The following PRKAR1B variants were observed in gnomAD, a reference collection of about 807,000 sequenced individuals.
PRKAR1B encodes cAMP-dependent protein kinase type I-beta regulatory subunit.
A neutral mutation model predicts 46.5 loss-of-function variants in PRKAR1B; 22 were observed. The ratio of observed to expected loss-of-function variants is 0.47; its 90% confidence interval spans 0.34 to 0.68. PRKAR1B has a LOEUF of 0.68. PRKAR1B is among the 30% of genes least tolerant of loss of function. The pLI is 0.01. For missense variants in PRKAR1B, 445 were observed against 535.6 expected (o/e 0.83, Z 1.67); for synonymous variants, 259 against 217.7 (o/e 1.19, Z -1.67).
chr7:553,117 G>A (rs993116215), intron 9 of PRKAR1B, among the ~76,000 whole-genome samples: 14 of 152,306 alleles, frequency 9.2e-5, no homozygotes, highest in Middle Eastern at 3.4e-3. Context: ...AGCGTGGGCT[G>A]TGTGGCCAGA....
intron 4 of PRKAR1B, among the ~76,000 whole-genome samples, chr7:625,900 G>C (rs1325037930): frequency 2.0e-5 from 3 of 151,472 alleles, no homozygotes; most frequent in African/African-American, 7.3e-5. Flanking sequence ...CCCAGCTACT[G>C]GGGAGGCTGA....
intron 7 of PRKAR1B, among the ~76,000 whole-genome samples, chr7:594,698 G>T (rs1350049570): frequency 6.6e-6 from 1 of 151,844 alleles, no homozygotes; most frequent in Non-Finnish European, 1.5e-5. Context: ...CCAAGACCAT[G>T]AGGGGACTCC....
intron 1 of PRKAR1B, among the ~76,000 whole-genome samples, chr7:726,229 C>G (rs1447436503): frequency 6.6e-6 from 1 of 152,250 alleles, no homozygotes; most frequent in African/African-American, 2.4e-5. Flanking sequence ...GCACGTGAAG[C>G]CCAGACCAGG....
At chr7:570,544 G>C (rs564780412) in intron 9 of PRKAR1B, among the ~76,000 whole-genome samples, 18 of 151,654 alleles carry the variant, frequency 1.2e-4, no homozygotes, top group Admixed American at 1.1e-3. Flanking sequence ...AGCAGTCCCC[G>C]AGCCCTCCCT....
At chr7:630,348 C>T (rs777492388) in intron 4 of PRKAR1B, among the ~76,000 whole-genome samples, 1 of 152,160 alleles carries the variant, frequency 6.6e-6, no homozygotes, top group Non-Finnish European at 1.5e-5. Context: ...AACTGGCCGG[C>T]CGGGAGCTGG....
chr7:607,519 T>G, intron 4 of PRKAR1B, 67 bp from the exon 5 acceptor site: 8 of 1,331,642 alleles, frequency 6.0e-6, no homozygotes, highest in Non-Finnish European at 8.6e-6. Flanking sequence ...CTTCCTCCCC[T>G]CATTTCACAG....
intron 7 of PRKAR1B, among the ~76,000 whole-genome samples, chr7:589,901 C>A (rs1023473800): frequency 2.0e-5 from 3 of 152,242 alleles, no homozygotes; most frequent in African/African-American, 7.2e-5. Flanking sequence ...GACGATCCAG[C>A]CCCTGGATGT....
chr7:726,816 C>T, intron 1 of PRKAR1B: 1 of 1,323,418 alleles, frequency 7.6e-7, no homozygotes, highest in Non-Finnish European at 9.6e-7. Context: ...GCGCCCTGAG[C>T]CGCCTGCTGC....
chr7:677,468 G>A, intron 3 of PRKAR1B, 148 bp from the exon 4 acceptor site: 1 of 702,290 alleles, frequency 1.4e-6, no homozygotes, highest in Non-Finnish European at 2.5e-6. Context: ...TTTCACCACT[G>A]TTTTTTTCTA....
At chr7:631,850 G>A (rs543543140) in intron 4 of PRKAR1B, among the ~76,000 whole-genome samples, 7 of 152,054 alleles carry the variant, frequency 4.6e-5, no homozygotes, top group Non-Finnish European at 7.4e-5. Context: ...CCAGCTACTC[G>A]GGAGGCTGAG....
intron 6 of PRKAR1B, 31 bp from the exon 7 acceptor site, chr7:596,335 G>A: frequency 6.3e-7 from 1 of 1,588,888 alleles, no homozygotes; most frequent in Non-Finnish European, 8.6e-7. Context: ...AAGTGTCACG[G>A]GGGCCAGGCA....
intron 2 of PRKAR1B, among the ~76,000 whole-genome samples, chr7:707,746 C>G (rs928799603): frequency 6.6e-6 from 1 of 152,190 alleles, no homozygotes; most frequent in Non-Finnish European, 1.5e-5. Context: ...GAAGGCAGGA[C>G]CCGCGATGCG....
At chr7:599,613 T>TG (rs1781478528) in intron 6 of PRKAR1B, among the ~76,000 whole-genome samples, 1 of 152,228 alleles carries the variant, frequency 6.6e-6, no homozygotes, top group Non-Finnish European at 1.5e-5. Context: ...GAAAAAACAA[T>TG]GGGGGTCCCC....
chr7:558,580 A>T (rs1778595071), intron 9 of PRKAR1B, among the ~76,000 whole-genome samples: 1 of 151,830 alleles, frequency 6.6e-6, no homozygotes, highest in Admixed American at 6.6e-5. Flanking sequence ...ACATGGTGAA[A>T]CTCTGTCTCT....
intron 9 of PRKAR1B, among the ~76,000 whole-genome samples, chr7:559,836 G>A (rs1041331907): frequency 6.6e-6 from 1 of 152,172 alleles, no homozygotes; most frequent in African/African-American, 2.4e-5. Flanking sequence ...AATACTTTGG[G>A]AGGCCAAAGA....
At chr7:675,323 C>T (rs1786518232) in intron 4 of PRKAR1B, among the ~76,000 whole-genome samples, 1 of 152,240 alleles carries the variant, frequency 6.6e-6, no homozygotes, top group Non-Finnish European at 1.5e-5. Context: ...GGGTCCCCAC[C>T]TGCACTCACG....
chr7:685,290 G>GTGTATATATA (rs1778974628), intron 2 of PRKAR1B, among the ~76,000 whole-genome samples: 3 of 13,114 alleles, frequency 2.3e-4, no homozygotes, highest in Admixed American at 1.8e-3. Context: ...GTATATATAT[G>GTGTATATATA]TATACATATA....
chr7:559,084 C>G (rs1005682321), intron 9 of PRKAR1B, among the ~76,000 whole-genome samples: 1 of 152,252 alleles, frequency 6.6e-6, no homozygotes, highest in African/African-American at 2.4e-5. Flanking sequence ...GGCTCGCCTT[C>G]AGTCACTCGT....
At chr7:561,667 A>G (rs1006638159) in intron 9 of PRKAR1B, among the ~76,000 whole-genome samples, 4 of 152,230 alleles carry the variant, frequency 2.6e-5, no homozygotes, top group Admixed American at 1.3e-4. Context: ...CTGGGCTGCA[A>G]ACTGTCCTCG....
Sources: allele counts gnomAD v4.1 joint callset (sites outside exome capture counted in the v4.1 genomes callset), GRCh38; gene constraint gnomAD v4.1.1; transcripts MANE v1.5; gene names NCBI Gene and HGNC (gene_info 2026-07-23, HGNC 2026-07-21).